Variants in RASGEF1A observed in about 807,000 individuals in gnomAD.
The protein encoded by RASGEF1A is RasGEF domain family member 1A.
In RASGEF1A, 18 loss-of-function variants were observed where a neutral mutation model predicts 56.4. That is an observed-to-expected ratio of 0.32 (90% confidence interval 0.22 to 0.47). RASGEF1A has a LOEUF of 0.47. Ranked by LOEUF, RASGEF1A falls within the 20% of genes least tolerant of loss-of-function variation. The probability of loss-of-function intolerance (pLI) is 1.00; values close to 1 mark genes in which losing one functional copy is unlikely to be tolerated. For synonymous variants in RASGEF1A, 245 were observed against 242.6 expected, an observed-to-expected ratio of 1.01 and a Z score of -0.09; for missense variants, 422 against 627.1, an observed-to-expected ratio of 0.67 and a Z score of 3.49.
intron 1 of RASGEF1A, among the ~76,000 whole-genome samples, chr10:43,220,796 A>G (rs532448066): frequency 1.7e-3 from 255 of 148,394 alleles, no homozygotes; most frequent in Middle Eastern, 3.4e-3. Flanking sequence ...AAAAAAAAAA[A>G]GGGGGGGGAG....
intron 1 of RASGEF1A, among the ~76,000 whole-genome samples, chr10:43,256,730 T>C (rs1836414641): frequency 1.3e-5 from 2 of 152,152 alleles, no homozygotes; most frequent in Non-Finnish European, 2.9e-5. Flanking sequence ...CACAGAGCAG[T>C]GCCCCCACTC....
chr10:43,251,008 G>C (rs2133224752), intron 1 of RASGEF1A, among the ~76,000 whole-genome samples: 1 of 152,356 alleles, frequency 6.6e-6, no homozygotes, highest in African/African-American at 2.4e-5. Context: ...GGGAATGTGT[G>C]AGGAGGGGCC....
intron 1 of RASGEF1A, among the ~76,000 whole-genome samples, chr10:43,240,722 C>T (rs965759507): frequency 6.6e-6 from 1 of 151,878 alleles, no homozygotes; most frequent in African/African-American, 2.4e-5. Flanking sequence ...GCCACAGACA[C>T]CATAATGGAC....
At chr10:43,227,815 C>A (rs1414348876) in intron 1 of RASGEF1A, among the ~76,000 whole-genome samples, 1 of 152,122 alleles carries the variant, frequency 6.6e-6, no homozygotes, top group Non-Finnish European at 1.5e-5. Context: ...AAGGGCAACA[C>A]CCTCCTTCCT....
At chr10:43,231,412 AG>A (rs1442520189) in intron 1 of RASGEF1A, among the ~76,000 whole-genome samples, 4 of 152,190 alleles carry the variant, frequency 2.6e-5, no homozygotes, top group African/African-American at 9.6e-5. Flanking sequence ...GTGTTGTCTC[AG>A]GAAGTCCATG....
rs1201883436 is a variant in RASGEF1A at position 43,200,753 on chromosome 10, T to C, written c.595A>G (p.Thr199Ala). 1.2e-6 allele frequency: 2 copies of C among 1,613,852 alleles called. No homozygotes were observed. The highest frequency in any genetic ancestry group is 2.2e-5 in the South Asian group (2 of 91,080). Reference sequence around the variant, plus strand: ...TCCTTCTGGGCGGCTGGTGGCTTGGTCTTGAGGATGGGCCCCTTGTCTACA... The same window carrying C: ...TCCTTCTGGGCGGCTGGTGGCTTGGCCTTGAGGATGGGCCCCTTGTCTACA... ...PAVDKGPILKTKPPAAQKDIL... is the reference protein window; with the variant it reads ...PAVDKGPILKAKPPAAQKDIL... The change falls in exon 5 of 13, where the codon ACC becomes GCC. Residue 199 changes from threonine (T) to alanine (A), a missense_variant. Around this residue, in one of 2 missense-constraint regions of RASGEF1A, gnomAD observed 273 missense variants for 339.9 expected, o/e 0.80. Coordinates refer to ENST00000395810, the MANE Select transcript of RASGEF1A (RefSeq NM_145313.4).
chr10:43,204,038 C>T (rs1416619741), intron 2 of RASGEF1A, among the ~76,000 whole-genome samples: 2 of 152,164 alleles, frequency 1.3e-5, no homozygotes, highest in Non-Finnish European at 2.9e-5. Context: ...GAGCAGGGCC[C>T]CTCCATACCA....
chr10:43,229,352 C>T (rs1033580917), intron 1 of RASGEF1A, among the ~76,000 whole-genome samples: 1 of 152,240 alleles, frequency 6.6e-6, no homozygotes, highest in Non-Finnish European at 1.5e-5. Context: ...GTCGTCCGGG[C>T]TCCTACACGC....
chr10:43,218,043 C>CG (rs778987094), intron 1 of RASGEF1A, among the ~76,000 whole-genome samples: 144 of 152,304 alleles, frequency 9.5e-4, no homozygotes, highest in Non-Finnish European at 1.0e-3. Context: ...AGCTGGGAGC[C>CG]GGCACCCTCC....
chr10:43,202,956 G>C (rs1485327609), intron 3 of RASGEF1A, among the ~76,000 whole-genome samples: 1 of 109,336 alleles, frequency 9.1e-6, no homozygotes, highest in Non-Finnish European at 1.8e-5. Context: ...CCTGCCCCGA[G>C]ACCCCACAGC....
intron 1 of RASGEF1A, among the ~76,000 whole-genome samples, chr10:43,261,002 C>T (rs1224853246): frequency 1.3e-5 from 2 of 152,210 alleles, no homozygotes; most frequent in South Asian, 2.1e-4. Flanking sequence ...CGAGCCAGCA[C>T]TGACTGCTCA....
At chr10:43,245,967 AC>A (rs1840563228) in intron 1 of RASGEF1A, among the ~76,000 whole-genome samples, 1 of 152,138 alleles carries the variant, frequency 6.6e-6, no homozygotes, top group African/African-American at 2.4e-5. Context: ...AAGAAGTAAA[AC>A]TATCTCTATT....
intron 1 of RASGEF1A, chr10:43,207,368 C>A: frequency 1.0e-6 from 1 of 986,660 alleles, no homozygotes; most frequent in African/African-American, 1.8e-5. Flanking sequence ...GAGAGCGGAC[C>A]ACCTGCCCAC....
chr10:43,248,556 C>T (rs1840592465), intron 1 of RASGEF1A, among the ~76,000 whole-genome samples: 2 of 152,126 alleles, frequency 1.3e-5, no homozygotes, highest in African/African-American at 2.4e-5. Flanking sequence ...ACTCGATGAC[C>T]CTCACAGGCA....
rs138913845 is a variant in RASGEF1A at position 43,198,072 on chromosome 10, C to G, written c.1156G>C (p.Val386Leu). 1.4e-5 allele frequency: 22 copies of G among 1,614,080 alleles called. No homozygotes were observed. The East Asian group carries it at 4.9e-4, about 36-fold the overall frequency. ...KIVIPVFNLF[V>L]KDIYFLHKIH... The stretch of plus-strand genomic sequence containing the variant: ...TTGTGCAGGAAGTAGATGTCCTTAA[C>G]GAAGAGGTTGAACACAGGGATGACG... The change falls in exon 10 of 13, where the codon GTT (valine) becomes CTT (leucine). Residue 386 changes from valine (V) to leucine (L), a missense_variant. By Grantham distance (32) the Val-to-Leu change is conservative (BLOSUM62 1). Coordinates refer to ENST00000395810, the MANE Select transcript of RASGEF1A (RefSeq NM_145313.4).
intron 1 of RASGEF1A, 150 bp from the exon 2 acceptor site, chr10:43,206,272 G>A: frequency 1.4e-6 from 1 of 698,644 alleles, no homozygotes; most frequent in Non-Finnish European, 2.4e-6. Flanking sequence ...CCCATTCCAG[G>A]GCAGGGCAGG....
chr10:43,241,849 A>G (rs905538501), intron 1 of RASGEF1A, among the ~76,000 whole-genome samples: 1 of 152,110 alleles, frequency 6.6e-6, no homozygotes, highest in Non-Finnish European at 1.5e-5. Context: ...GTTGAAAGTG[A>G]AAATATGGCC....
At chr10:43,227,089 G>C (rs1840288795) in intron 1 of RASGEF1A, among the ~76,000 whole-genome samples, 1 of 152,218 alleles carries the variant, frequency 6.6e-6, no homozygotes, top group Admixed American at 6.5e-5. Flanking sequence ...GTTTTCCAGT[G>C]GGTTAAGGGG....
In RASGEF1A at chr10:43,199,606, G is replaced by A. The variant is rs1345182160; in HGVS notation, c.849+70C>T. On this transcript the variant is annotated intron_variant, in intron 7 of 12. Coordinates refer to ENST00000395810, the MANE Select transcript of RASGEF1A (RefSeq NM_145313.4). Reference sequence around the variant, plus strand: ...CTTAAAGTTCCATCATCTAATTCCTGGGGCAAGATCAGGGTCTCACTGGGT... The same window carrying A: ...CTTAAAGTTCCATCATCTAATTCCTAGGGCAAGATCAGGGTCTCACTGGGT... The A allele has an allele frequency of 1.1e-5, 14 of 1,261,218 alleles. No individual in the cohort carries two copies. In the East Asian group the frequency reaches 2.6e-4, roughly 23 times the overall value. 78.1% of individuals were successfully genotyped at this position (1,261,218 alleles called of 1,614,324 possible).
Sources: gnomAD v4.1 joint callset for allele counts (sites outside exome capture counted in the v4.1 genomes callset) on GRCh38, gnomAD v4.1.1 for gene constraint, gnomAD v4.1.1 regional missense constraint, MANE v1.5 for transcripts, NCBI Gene and HGNC (gene_info 2026-07-23, HGNC 2026-07-21) for gene names.